Variants in PRKCE observed in about 807,000 individuals in gnomAD.
The protein encoded by PRKCE is protein kinase C epsilon type.
In PRKCE, 16 loss-of-function variants were observed where a neutral mutation model predicts 85.4. The observed-to-expected ratio is 0.19, with a 90% CI of 0.13 to 0.28. The LOEUF (loss-of-function observed/expected upper bound fraction) is 0.28, where lower values mean the gene tolerates loss of function less well. Ranked by LOEUF, PRKCE falls within the 10% of genes least tolerant of loss-of-function variation. The probability of loss-of-function intolerance (pLI) is 1.00; values close to 1 mark genes in which losing one functional copy is unlikely to be tolerated. For synonymous variants in PRKCE, 388 were observed against 371.5 expected, an observed-to-expected ratio of 1.04 and a Z score of -0.51; for missense variants, 573 against 975.2, an observed-to-expected ratio of 0.59 and a Z score of 5.49.
intron 11 of PRKCE, among the ~76,000 whole-genome samples, chr2:46,088,678 T>G (rs1334171352): frequency 6.6e-6 from 1 of 152,214 alleles, no homozygotes; most frequent in Non-Finnish European, 1.5e-5. Context: ...TACAAGCTAC[T>G]TAGAGATGCA....
At chr2:45,817,086 T>TGTG (rs1243660242) in intron 1 of PRKCE, among the ~76,000 whole-genome samples, 1 of 150,760 alleles carries the variant, frequency 6.6e-6, no homozygotes, top group African/African-American at 2.4e-5. Context: ...TGTGTGTGTG[T>TGTG]GTGTGTGTGT....
intron 10 of PRKCE, among the ~76,000 whole-genome samples, chr2:46,023,183 G>A (rs938991773): frequency 3.3e-5 from 5 of 151,374 alleles, no homozygotes; most frequent in African/African-American, 9.7e-5. Context: ...ATGATGGCCT[G>A]TTCTGGCCAG....
Position 45,984,531 on chromosome 2 carries a change from G to A in PRKCE, c.694-20G>A, listed in dbSNP as rs533019507. On this transcript the variant is annotated intron_variant, in intron 5 of 14. Transcript: ENST00000306156. ...AACTGAGGAGCTCGGTGGTGAACCT[G>A]TATCTTGCCATCCCTGCAGGTGGGC... 1.3e-6 allele frequency: 2 copies of A among 1,598,892 alleles called. No individual in the cohort carries two copies. The highest frequency in any genetic ancestry group is 1.7e-6 in the Non-Finnish European group (2 of 1,179,392).
At position 46,032,601 on chromosome 2, in the gene PRKCE, G is replaced by C. The variant is rs989549394; in HGVS notation, c.1437+22084G>C. On this transcript the variant is annotated intron_variant, in intron 10 of 14. Coordinates refer to ENST00000306156, the MANE Select transcript of PRKCE (RefSeq NM_005400.3). Reference sequence around the variant, plus strand: ...ATCTCCAAAAGTTCCAGGATGACTTGGGAGTTTTTATTGGCTAGGCTGAAA... The same window carrying C: ...ATCTCCAAAAGTTCCAGGATGACTTCGGAGTTTTTATTGGCTAGGCTGAAA... Among the ~76,000 whole-genome samples, 4 of 152,150 alleles carry C rather than the reference G, an allele frequency of 2.6e-5. No individual in the cohort carries two copies. The East Asian group carries it at 7.7e-4, about 29-fold the overall frequency.
chr2:46,012,306 T>G (rs548932461), intron 10 of PRKCE, among the ~76,000 whole-genome samples: 1 of 140,054 alleles, frequency 7.1e-6, no homozygotes, highest in Admixed American at 7.0e-5. Flanking sequence ...TTTCTTTTCC[T>G]TTTTTTTTTT....
intron 1 of PRKCE, among the ~76,000 whole-genome samples, chr2:45,818,459 T>C (rs1223604032): frequency 1.3e-5 from 2 of 152,194 alleles, no homozygotes; most frequent in Non-Finnish European, 2.9e-5. Context: ...GTCTCAATCA[T>C]CCTAACAGAT....
chr2:45,882,801 G>A (rs1342443504), intron 2 of PRKCE, among the ~76,000 whole-genome samples: 1 of 152,244 alleles, frequency 6.6e-6, no homozygotes, highest in African/African-American at 2.4e-5. Context: ...TTTCTTAAAT[G>A]TTCACGTGTT....
intron 1 of PRKCE, among the ~76,000 whole-genome samples, chr2:45,705,579 T>C (rs755750472): frequency 2.4e-4 from 36 of 152,262 alleles, no homozygotes; most frequent in South Asian, 8.3e-4. Flanking sequence ...ATCTTAAGGA[T>C]TGTCTGTTTT....
At position 46,004,448 on chromosome 2, in the gene PRKCE, C is replaced by A; in HGVS notation, c.967-94C>A. The A allele has an allele frequency of 2.9e-6, 3 of 1,050,754 alleles. No individual in the cohort carries two copies. The Admixed American group carries it at 6.1e-5, about 21-fold the overall frequency. 65.1% of individuals were successfully genotyped at this position (1,050,754 alleles called of 1,614,324 possible). ...GAATTCCTGCTGCTCTGGGAACTCTCATGGCTCTTATACGGCATCTTGATG... is the reference window on the plus strand; with the variant it reads ...GAATTCCTGCTGCTCTGGGAACTCTAATGGCTCTTATACGGCATCTTGATG... On this transcript the variant is annotated intron_variant, in intron 7 of 14. Transcript: ENST00000306156. This position sits in a 1 kb window ranked among gnomAD's most constrained non-coding sequence, Gnocchi z 4.1.
chr2:45,770,128 C>T (rs1354373217), intron 1 of PRKCE, among the ~76,000 whole-genome samples: 2 of 152,184 alleles, frequency 1.3e-5, no homozygotes, highest in Non-Finnish European at 2.9e-5. Flanking sequence ...CCTGCAGTAG[C>T]GGGTGCTATT....
chr2:45,962,120 G>C lies in PRKCE; in HGVS notation c.413-14309G>C, dbSNP rs148227233. 7.2e-4 allele frequency among the ~76,000 whole-genome samples: 110 copies of C among 152,348 alleles called. 1 individual carries two copies. The highest frequency in any genetic ancestry group is 2.5e-3 in the African/African-American group (106 of 41,582). On this transcript the variant is annotated intron_variant, in intron 2 of 14. Coordinates refer to ENST00000306156, the MANE Select transcript of PRKCE (RefSeq NM_005400.3). ...GGGTGACTAGCGTATGCAGGGCTTAGATTTTTGGATTAGGAAAGTGACACT... is the reference window on the plus strand; with the variant it reads ...GGGTGACTAGCGTATGCAGGGCTTACATTTTTGGATTAGGAAAGTGACACT...
intron 2 of PRKCE, among the ~76,000 whole-genome samples, chr2:45,928,098 C>T (rs1017398291): frequency 2.0e-5 from 3 of 152,172 alleles, no homozygotes; most frequent in Admixed American, 1.3e-4. Context: ...TTTCACCTCC[C>T]TCCAAGCTTT....
intron 2 of PRKCE, among the ~76,000 whole-genome samples, chr2:45,912,183 T>C (rs1697430331): frequency 1.3e-5 from 2 of 152,144 alleles, no homozygotes; most frequent in Admixed American, 6.5e-5. Flanking sequence ...TTCAAAGTAC[T>C]TTGATAATCC....
chr2:45,808,087 C>T (rs536494564), intron 1 of PRKCE, among the ~76,000 whole-genome samples: 1 of 152,064 alleles, frequency 6.6e-6, no homozygotes, highest in Non-Finnish European at 1.5e-5. Context: ...GTGGTCACTC[C>T]CTCTCTGACC....
At chr2:46,092,432 G>C (rs761620158) in intron 11 of PRKCE, among the ~76,000 whole-genome samples, 1 of 152,154 alleles carries the variant, frequency 6.6e-6, no homozygotes, top group African/African-American at 2.4e-5. Flanking sequence ...CCAGAATTGG[G>C]CAGAGGGGAG....
chr2:45,855,003 C>A (rs1307471916), intron 2 of PRKCE, among the ~76,000 whole-genome samples: 1 of 152,200 alleles, frequency 6.6e-6, no homozygotes, highest in African/African-American at 2.4e-5. Flanking sequence ...AGCTCTCCAT[C>A]TCTGGAGGTA....
intron 2 of PRKCE, among the ~76,000 whole-genome samples, chr2:45,884,249 C>T (rs1695081349): frequency 1.3e-5 from 2 of 152,200 alleles, no homozygotes; most frequent in Non-Finnish European, 2.9e-5. Context: ...GTTACTCAAC[C>T]TCTGAGTTCA....
chr2:45,742,934 CAGCCTTAA>C (rs1482876900), intron 1 of PRKCE, among the ~76,000 whole-genome samples: 4 of 152,202 alleles, frequency 2.6e-5, no homozygotes, highest in African/African-American at 9.7e-5. Flanking sequence ...GAATATTATT[CAGCCTTAA>C]AGCAGAAGCA....
chr2:45,976,845 A>C (rs1574087176), intron 3 of PRKCE, among the ~76,000 whole-genome samples: 1 of 148,104 alleles, frequency 6.8e-6, no homozygotes, highest in African/African-American at 2.5e-5. Flanking sequence ...GTAACCAACA[A>C]GGATATTGTG....
Sources: allele counts gnomAD v4.1 joint callset (sites outside exome capture counted in the v4.1 genomes callset), GRCh38; gene constraint gnomAD v4.1.1; non-coding constraint Gnocchi (gnomAD v3.1); transcripts MANE v1.5; gene names NCBI Gene and HGNC (gene_info 2026-07-23, HGNC 2026-07-21).